The following ATXN7 variants were observed in gnomAD, a reference collection of about 807,000 sequenced individuals.
ATXN7 encodes the protein ataxin-7.
In ATXN7, 12 loss-of-function variants were observed where a neutral mutation model predicts 70.5. The ratio of observed to expected loss-of-function variants is 0.17; its 90% CI spans 0.11 to 0.28. ATXN7 has a LOEUF of 0.28. Ranked by LOEUF, ATXN7 falls within the 10% of genes least tolerant of loss-of-function variation. The pLI is 1.00. For missense variants in ATXN7, 1,256 were observed against 1,131.7 expected (o/e 1.11, Z -1.58); for synonymous variants, 498 against 448.7 (o/e 1.11, Z -1.39).
chr3:63,919,262 A>G (rs2107314360), intron 4 of ATXN7, among the ~76,000 whole-genome samples: 1 of 152,346 alleles, frequency 6.6e-6, no homozygotes, highest in East Asian at 1.9e-4. Flanking sequence ...TACAGTGAAC[A>G]GCAGAGTTGA....
chr3:63,916,674 G>T (rs909309823), intron 4 of ATXN7, among the ~76,000 whole-genome samples: 11 of 152,160 alleles, frequency 7.2e-5, no homozygotes, highest in African/African-American at 2.2e-4. Flanking sequence ...TAGAACTCTT[G>T]ATTTAGATGG....
rs2075820811 is a variant in ATXN7, at chr3:64,000,352, G to C, written c.*885G>C. On this transcript the variant is annotated 3_prime_UTR_variant, in exon 13 of 13. Transcript: ENST00000674280. ...AAACTTTTTTCAAGATTTCCAAAGAGATGAAATTTTCTTAATCCTTTTAAG... is the reference window on the plus strand; with the variant it reads ...AAACTTTTTTCAAGATTTCCAAAGACATGAAATTTTCTTAATCCTTTTAAG... 6.7e-6 allele frequency: 1 copy of C among 149,200 alleles called. No homozygotes were observed. The highest frequency in any genetic ancestry group is 2.5e-5 in the African/African-American group (1 of 39,764). The allele number at this position is 149,200 out of a possible 1,614,324, so 9.2% of individuals were successfully genotyped here.
rs1304530600 is a variant in ATXN7 at position 63,995,747 on chromosome 3, A to G, written c.1925A>G (p.Gln642Arg). Reference sequence around the variant, plus strand: ...GCGATGGATCCTGTGTGCAGTATGCAATCCAGACAAGTGTCCTCTTCATCC... The same window carrying G: ...GCGATGGATCCTGTGTGCAGTATGCGATCCAGACAAGTGTCCTCTTCATCC... ...SGAMDPVCSMQSRQVSSSSSS... is the reference protein window; with the variant it reads ...SGAMDPVCSMRSRQVSSSSSS... Residue 642 changes from glutamine (Q) to arginine (R), a missense_variant, in exon 12 of 13, where the codon CAA (glutamine) becomes CGA (arginine). By Grantham distance (43) the Gln-to-Arg change is conservative (BLOSUM62 1). Coordinates refer to ENST00000674280, the MANE Select transcript of ATXN7 (RefSeq NM_001377405.1). 1 of 1,614,118 alleles carries G rather than the reference A, an allele frequency of 6.2e-7. No individual in the cohort carries two copies. Among genetic ancestry groups the G allele is most frequent in the East Asian group, 2.2e-5 (1 of 44,886 alleles).
intron 5 of ATXN7, among the ~76,000 whole-genome samples, chr3:63,976,042 G>A (rs557647929): frequency 6.6e-6 from 1 of 152,312 alleles, no homozygotes; most frequent in South Asian, 2.1e-4. Flanking sequence ...GGAGCGCTTT[G>A]AAAACTCAAC....
At chr3:63,999,330 G>A (rs2075808455) in intron 12 of ATXN7, 120 bp from the exon 13 acceptor site, 1 of 808,054 alleles carries the variant, frequency 1.2e-6, no homozygotes, top group Non-Finnish European at 2.1e-6. Flanking sequence ...GTGTCACTCA[G>A]TCAATGGAGA....
chr3:63,950,987 G>T (rs2074943716), intron 4 of ATXN7, among the ~76,000 whole-genome samples: 1 of 152,026 alleles, frequency 6.6e-6, no homozygotes, highest in Non-Finnish European at 1.5e-5. Flanking sequence ...AGTCAGAATT[G>T]AATTCCAGCT....
At chr3:63,892,234 G>T (rs1703290019) in intron 1 of ATXN7, among the ~76,000 whole-genome samples, 1 of 151,724 alleles carries the variant, frequency 6.6e-6, no homozygotes, top group Non-Finnish European at 1.5e-5. Flanking sequence ...ACTTGACTGA[G>T]GACACATATA....
chr3:63,933,118 G>A (rs576318292), intron 4 of ATXN7, among the ~76,000 whole-genome samples: 1 of 152,266 alleles, frequency 6.6e-6, no homozygotes, highest in African/African-American at 2.4e-5. Flanking sequence ...TAATGTCAAA[G>A]TGCCCTCCAA....
At chr3:63,915,205 G>C (rs1021300597) in intron 4 of ATXN7, among the ~76,000 whole-genome samples, 38 of 152,132 alleles carry the variant, frequency 2.5e-4, no homozygotes, top group African/African-American at 9.2e-4. Context: ...AAAGTGCTGG[G>C]ATTACAGGTG....
At chr3:63,918,839 C>T (rs764591853) in intron 4 of ATXN7, among the ~76,000 whole-genome samples, 2 of 152,182 alleles carry the variant, frequency 1.3e-5, no homozygotes, top group Non-Finnish European at 2.9e-5. Context: ...TCACCTCGTG[C>T]TTGTTGAACA....
intron 8 of ATXN7, 73 bp from the exon 9 acceptor site, chr3:63,987,986 G>A: frequency 6.5e-7 from 1 of 1,546,546 alleles, no homozygotes; most frequent in Middle Eastern, 1.7e-4. Context: ...ATTGGGAGTG[G>A]TGTTTTGGGA....
chr3:63,911,393 A>G (rs1374202850), intron 2 of ATXN7: 2 of 152,200 alleles, frequency 1.3e-5, no homozygotes, highest in South Asian at 2.1e-4. Context: ...AGTGAACAAA[A>G]TTTGACCGAA....
chr3:63,995,996 C>T lies in ATXN7; in HGVS notation c.2174C>T (p.Ser725Phe), dbSNP rs751354859. Reference sequence around the variant, plus strand: ...TCTTCCTCCTCCTCTTCCTCCTCCTCCTCTTCTTCTCATTCCATGGAGTCT... The same window carrying T: ...TCTTCCTCCTCCTCTTCCTCCTCCTTCTCTTCTTCTCATTCCATGGAGTCT... ...VHSSSSSSSS[S>F]SSSHSMESFR... Residue 725 changes from serine to phenylalanine, a missense_variant, in exon 12 of 13, where the codon TCC becomes TTC. Transcript: ENST00000674280. 6.2e-7 allele frequency: 1 copy of T among 1,614,096 alleles called. No individual in the cohort carries two copies. The highest frequency in any genetic ancestry group is 8.5e-7 in the Non-Finnish European group (1 of 1,179,914).
At chr3:63,996,841 T>A (rs2075768628) in intron 12 of ATXN7, among the ~76,000 whole-genome samples, 3 of 152,188 alleles carry the variant, frequency 2.0e-5, no homozygotes, top group Admixed American at 2.0e-4. Flanking sequence ...TGCTGTGAAG[T>A]GTGTGCCATT....
At position 63,912,804 on chromosome 3, in the gene ATXN7, C is replaced by A. The variant is rs1021114622; in HGVS notation, c.206C>A (p.Ser69Tyr). The part of the protein sequence containing the change: ...RPEDGGPGAA[S>Y]TSAAAMATVG... ...GAGGACGGCGGGCCCGGCGCCGCCT[C>A]CACCTCGGCCGCCGCAATGGCGACG... Residue 69 changes from serine (S) to tyrosine (Y), a missense_variant, in exon 3 of 13, where the codon TCC becomes TAC. Ser to Tyr is a moderately radical substitution (Grantham distance 144). Coordinates refer to ENST00000674280, the MANE Select transcript of ATXN7 (RefSeq NM_001377405.1). 6.4e-7 allele frequency: 1 copy of A among 1,561,396 alleles called. No individual in the cohort carries two copies. Among genetic ancestry groups the A allele is most frequent in the Admixed American group, 1.9e-5 (1 of 52,044 alleles).
At chr3:63,947,806 C>G (rs1479332189) in intron 4 of ATXN7, among the ~76,000 whole-genome samples, 1 of 152,074 alleles carries the variant, frequency 6.6e-6, no homozygotes, top group Admixed American at 6.5e-5. Context: ...CACCAGGCAT[C>G]TTGTGAAGTG....
At position 64,002,879 on chromosome 3, in the gene ATXN7, T is replaced by C. The variant is rs2075849513; in HGVS notation, c.*3412T>C. 1 of 150,832 alleles carries C rather than the reference T, an allele frequency of 6.6e-6. No individual in the cohort carries two copies. Among genetic ancestry groups the C allele is most frequent in the Admixed American group, 6.6e-5 (1 of 15,148 alleles). The allele number at this position is 150,832 out of a possible 1,614,324, so 9.3% of individuals were successfully genotyped here. The stretch of plus-strand genomic sequence containing the variant: ...TTTGTTATTCACTCATGAAATACAA[T>C]TTAAAATATTTAAAATATTTTGTAT... On this transcript the variant is annotated 3_prime_UTR_variant, in exon 13 of 13. Coordinates refer to ENST00000674280, the MANE Select transcript of ATXN7 (RefSeq NM_001377405.1).
intron 4 of ATXN7, among the ~76,000 whole-genome samples, chr3:63,942,246 A>G (rs887191833): frequency 6.6e-6 from 1 of 152,210 alleles, no homozygotes; most frequent in Non-Finnish European, 1.5e-5. Flanking sequence ...GGTAAAGAGC[A>G]TGTACTTTGG....
intron 2 of ATXN7, among the ~76,000 whole-genome samples, chr3:63,912,340 C>CG (rs1704056496): frequency 1.3e-5 from 2 of 151,644 alleles, no homozygotes; most frequent in Admixed American, 1.3e-4. Flanking sequence ...GGCGGGCCGC[C>CG]TGCTGCCCGT....
Sources: gnomAD v4.1 joint callset for allele counts (sites outside exome capture counted in the v4.1 genomes callset) on GRCh38, gnomAD v4.1.1 for gene constraint, MANE v1.5 for transcripts, NCBI Gene and HGNC (gene_info 2026-07-23, HGNC 2026-07-21) for gene names.